DISC1: variants seen among roughly 807,000 people sequenced by gnomAD.
DISC1 encodes DISC1 scaffold protein, also known as disrupted in schizophrenia 1 protein.
Under a neutral mutation model 84.5 loss-of-function variants are expected in DISC1, and 57 were observed. That is an observed-to-expected ratio of 0.67 (90% CI 0.55 to 0.84). DISC1 has a LOEUF of 0.84. Among genes scored for constraint, DISC1 ranks in the 40% least tolerant of loss-of-function variants. The pLI, the probability that DISC1 is intolerant of heterozygous loss-of-function variation, is 0.00. For synonymous variants in DISC1, 411 were observed against 415.2 expected, an observed-to-expected ratio of 0.99 and a Z score of 0.12; for missense variants, 1,000 against 1,057.8, an observed-to-expected ratio of 0.95 and a Z score of 0.76.
At chr1:232,032,575 T>C (rs192677017) in intron 12 of DISC1, among the ~76,000 whole-genome samples, 15 of 152,284 alleles carry the variant, frequency 9.9e-5, no homozygotes, top group Non-Finnish European at 2.9e-5. Context: ...CCCTGCGACG[T>C]TGTTATAATG....
chr1:231,986,268 T>C (rs201214416), intron 10 of DISC1, among the ~76,000 whole-genome samples: 20 of 152,192 alleles, frequency 1.3e-4, no homozygotes, highest in Non-Finnish European at 2.2e-4. Context: ...CATCTTTGGA[T>C]GAAGCTGCCA....
At chr1:231,908,385 T>C (rs1348536877) in intron 9 of DISC1, among the ~76,000 whole-genome samples, 1 of 152,216 alleles carries the variant, frequency 6.6e-6, no homozygotes, top group Non-Finnish European at 1.5e-5. Context: ...GTTTCAGCTT[T>C]CTACATATGG....
At chr1:231,736,567 A>T (rs886543396) in intron 3 of DISC1, among the ~76,000 whole-genome samples, 3 of 152,228 alleles carry the variant, frequency 2.0e-5, no homozygotes, top group Admixed American at 2.0e-4. Flanking sequence ...GCTGATTTTC[A>T]TGAAAATAAA....
intron 1 of DISC1, among the ~76,000 whole-genome samples, chr1:231,678,866 C>T (rs1420689786): frequency 6.6e-6 from 1 of 152,096 alleles, no homozygotes; most frequent in African/African-American, 2.4e-5. Context: ...TTAGTAGAGA[C>T]AGGGTTTCAC....
intron 7 of DISC1, among the ~76,000 whole-genome samples, chr1:231,799,752 T>A (rs532094889): frequency 6.6e-6 from 1 of 150,988 alleles, no homozygotes; most frequent in Non-Finnish European, 1.5e-5. Flanking sequence ...TGTAATTGGA[T>A]GTGGGGTGAT....
intron 2 of DISC1, among the ~76,000 whole-genome samples, chr1:231,697,272 C>G (rs1028318904): frequency 2.6e-5 from 4 of 152,186 alleles, no homozygotes; most frequent in Non-Finnish European, 4.4e-5. Context: ...AACCTCCTCT[C>G]GCTTCTACTT....
intron 9 of DISC1, among the ~76,000 whole-genome samples, chr1:231,836,911 C>G (rs199518970): frequency 5.9e-5 from 9 of 152,090 alleles, no homozygotes; most frequent in Non-Finnish European, 1.2e-4. Flanking sequence ...TAGTCAGTCT[C>G]TCTGTTCCCA....
At chr1:231,840,349 A>G (rs771262408) in intron 9 of DISC1, among the ~76,000 whole-genome samples, 1 of 152,234 alleles carries the variant, frequency 6.6e-6, no homozygotes, top group Non-Finnish European at 1.5e-5. Context: ...ACAAAACTGT[A>G]ATGAATATTT....
In DISC1 at chr1:231,869,885, CAT is replaced by C. The variant is rs529178723; in HGVS notation, c.1981+51371_1981+51372del. Among the ~76,000 whole-genome samples, 39 of 152,224 alleles carry C rather than the reference CAT, an allele frequency of 2.6e-4. No individual in the cohort carries two copies. The South Asian group carries it at 8.1e-3, about 32-fold the overall frequency. ...GAGGGGTCTTGCCTTATTCAGCAGT[CAT>C]ATTTTTTTCTAGATAAAATTCTTAC... is the stretch of plus-strand genomic sequence containing the variant. On this transcript the variant is annotated intron_variant, in intron 9 of 12. Transcript: ENST00000439617.
At chr1:231,883,285 C>T (rs1378464925) in intron 9 of DISC1, among the ~76,000 whole-genome samples, 3 of 152,058 alleles carry the variant, frequency 2.0e-5, no homozygotes, top group Non-Finnish European at 2.9e-5. Flanking sequence ...TAGAAATGTT[C>T]TAGGTGTAGG....
chr1:231,914,430 A>G (rs924683026), intron 9 of DISC1, among the ~76,000 whole-genome samples: 4 of 152,150 alleles, frequency 2.6e-5, no homozygotes, highest in African/African-American at 7.2e-5. Flanking sequence ...GAGAATATCT[A>G]TTGGGTGGTT....
intron 6 of DISC1, among the ~76,000 whole-genome samples, chr1:231,773,673 T>A (rs566156751): frequency 2.0e-5 from 3 of 152,136 alleles, no homozygotes; most frequent in South Asian, 2.1e-4. Context: ...CGTGAGCCAC[T>A]GCGCCCAGCC....
At chr1:231,880,633 G>T (rs1407720058) in intron 9 of DISC1, among the ~76,000 whole-genome samples, 1 of 152,112 alleles carries the variant, frequency 6.6e-6, no homozygotes, top group Non-Finnish European at 1.5e-5. Context: ...AGCAGGATTT[G>T]CAGCAGAAAA....
intron 1 of DISC1, among the ~76,000 whole-genome samples, chr1:231,657,446 AT>A (rs1307946698): frequency 1.3e-5 from 2 of 151,774 alleles, no homozygotes; most frequent in Admixed American, 1.3e-4. Context: ...AAAGTGTCTG[AT>A]GATAGTTTCT....
chr1:231,833,630 C>T (rs544427953), intron 9 of DISC1, among the ~76,000 whole-genome samples: 6 of 152,222 alleles, frequency 3.9e-5, no homozygotes, highest in East Asian at 1.9e-4. Context: ...TCCTGGGCTG[C>T]GGGCATTCCT....
intron 9 of DISC1, among the ~76,000 whole-genome samples, chr1:231,831,849 TGGG>T (rs59813729): frequency 1.4e-5 from 2 of 142,108 alleles, no homozygotes; most frequent in African/African-American, 5.2e-5. Flanking sequence ...TGAGAGGTAG[TGGG>T]GGGGGGTGGG....
intron 1 of DISC1, among the ~76,000 whole-genome samples, chr1:231,629,834 T>G (rs1210002308): frequency 6.6e-6 from 1 of 152,356 alleles, no homozygotes; most frequent in East Asian, 1.9e-4. Context: ...GGAGAAGGAT[T>G]AGAGACTAAA....
intron 10 of DISC1, among the ~76,000 whole-genome samples, chr1:232,001,923 A>T (rs886256944): frequency 2.0e-5 from 3 of 152,214 alleles, no homozygotes. Flanking sequence ...CTCTGTAAAG[A>T]TTCATGTGAA....
intron 2 of DISC1, among the ~76,000 whole-genome samples, chr1:231,697,139 G>T (rs1335754004): frequency 6.6e-6 from 1 of 152,196 alleles, no homozygotes; most frequent in African/African-American, 2.4e-5. Flanking sequence ...ACTGCTCACT[G>T]GGGTTGCGGC....
Sources: allele counts gnomAD v4.1 joint callset (sites outside exome capture counted in the v4.1 genomes callset), GRCh38; gene constraint gnomAD v4.1.1; transcripts MANE v1.5; gene names NCBI Gene and HGNC (gene_info 2026-07-23, HGNC 2026-07-21).